The following IGFL4 variants were observed in gnomAD, a reference collection of about 807,000 sequenced individuals.
IGFL4 encodes the protein IGF like family member 4, also known as insulin growth factor-like family member 4.
IGFL4 carries 12 observed loss-of-function variants against 15.4 expected under a neutral mutation model. That is an observed-to-expected ratio of 0.78 (90% CI 0.50 to 1.26). The LOEUF (loss-of-function observed/expected upper bound fraction) is 1.26. Ranked by LOEUF, IGFL4 falls within the 50% of genes most tolerant of loss-of-function variation. The probability of loss-of-function intolerance (pLI) is 0.00; values close to 1 mark genes in which losing one functional copy is unlikely to be tolerated. For missense variants in IGFL4, 126 were observed against 147.8 expected (o/e 0.85, Z 0.76); for synonymous variants, 54 against 55.9 (o/e 0.97, Z 0.16).
chr19:46,044,518 G>T (rs1042533214), upstream of IGFL4, among the ~76,000 whole-genome samples: 1 of 152,038 alleles, frequency 6.6e-6, no homozygotes, highest in African/African-American at 2.4e-5. Flanking sequence ...GGGGTGTCGT[G>T]GGGGCAGTCA....
intron 1 of IGFL4, among the ~76,000 whole-genome samples, chr19:46,071,572 G>A (rs1969546179): frequency 6.6e-6 from 1 of 152,238 alleles, no homozygotes; most frequent in Admixed American, 6.5e-5. Context: ...TTAGACAGGA[G>A]GTAGTGTGAA....
upstream of IGFL4, among the ~76,000 whole-genome samples, chr19:46,042,538 A>G (rs565902171): frequency 2.0e-5 from 3 of 152,364 alleles, no homozygotes; most frequent in Non-Finnish European, 2.9e-5. Context: ...TAATTGAACT[A>G]TCTATGTAGA....
chr19:46,040,617 G>A lies in IGFL4; in HGVS notation c.20-49C>T. 6.3e-7 allele frequency: 1 copy of A among 1,590,360 alleles called. No individual in the cohort carries two copies. Among genetic ancestry groups the A allele is most frequent in the East Asian group, 2.2e-5 (1 of 44,752 alleles). ...AATGATTCTGAGGTCACTAGGTCTT[G>A]ACCACGGGGCACAGGATGATGTCTC... On this transcript the variant is annotated intron_variant, in intron 1 of 3. Coordinates refer to ENST00000377697, the MANE Select transcript of IGFL4 (RefSeq NM_001002923.3). This position sits in a 1 kb window ranked among gnomAD's most constrained non-coding sequence, Gnocchi z 4.1.
rs56734695 is a variant in IGFL4, at chr19:46,040,990, G to A, written c.-28C>T. 13,456 of 1,569,960 alleles carry A rather than the reference G, an allele frequency of 8.6e-3. 971 individuals are homozygous for A. The African/African-American group carries it at 0.16, about 19-fold the overall frequency. The stretch of plus-strand genomic sequence containing the variant: ...GTTAGGCTTCAGAGCAGCGGACGAG[G>A]GAGCAGCAGTGGAAATGGGTCAGTG... On this transcript the variant is annotated 5_prime_UTR_variant, in exon 1 of 4. Coordinates refer to ENST00000377697, the MANE Select transcript of IGFL4 (RefSeq NM_001002923.3). This position sits in a 1 kb window ranked among gnomAD's most constrained non-coding sequence, Gnocchi z 4.1.
chr19:46,061,587 A>G (rs1422997432), intron 1 of IGFL4, among the ~76,000 whole-genome samples: 1 of 152,216 alleles, frequency 6.6e-6, no homozygotes, highest in African/African-American at 2.4e-5. Flanking sequence ...CTGGAAGGCA[A>G]AAACAGATCC....
intron 1 of IGFL4, chr19:46,062,735 G>A (rs1344343111): frequency 6.6e-6 from 1 of 152,256 alleles, no homozygotes; most frequent in Non-Finnish European, 1.5e-5. Context: ...AACTCAGGGA[G>A]GCCAGAGAAA....
Position 46,077,073 on chromosome 19 carries a change from A to T in IGFL4, c.-485T>A, listed in dbSNP as rs1969609117. On this transcript the variant is annotated 5_prime_UTR_variant, in exon 1 of 6. Transcript: ENST00000601672. The surrounding 1 kb of genome is among the most constrained non-coding windows in gnomAD (Gnocchi z 5.4). Reference sequence around the variant, plus strand: ...GTCTTGATTTCATCTGGGTAGTTACAGGCATCATCCACCACGAAGTTTCCA... The same window carrying T: ...GTCTTGATTTCATCTGGGTAGTTACTGGCATCATCCACCACGAAGTTTCCA... The T allele has an allele frequency of 6.6e-6, 1 of 152,220 alleles. No individual in the cohort carries two copies. Among genetic ancestry groups the T allele is most frequent in the Non-Finnish European group, 1.5e-5 (1 of 68,044 alleles). The allele number at this position is 152,220 out of a possible 1,614,324, so 9.4% of individuals were successfully genotyped here.
intron 2 of IGFL4, chr19:46,059,526 A>G (rs1180413673): frequency 6.6e-6 from 1 of 152,158 alleles, no homozygotes; most frequent in Non-Finnish European, 1.5e-5. Flanking sequence ...GCAACCAGAG[A>G]TCACTGGTTG....
chr19:46,040,571 G>C lies in IGFL4; in HGVS notation c.20-3C>G. 6.2e-7 allele frequency: 1 copy of C among 1,613,986 alleles called. No homozygotes were observed. Among genetic ancestry groups the C allele is most frequent in the East Asian group, 2.2e-5 (1 of 44,884 alleles). The stretch of plus-strand genomic sequence containing the variant: ...AAGTTCAAAAATGAAGATGGCAGCT[G>C]AGAAGCAGAAGGAGAGCGAGAATGA... On this transcript the variant is annotated splice_region_variant and splice_polypyrimidine_tract_variant and intron_variant, in intron 1 of 3. Transcript: ENST00000377697. This position sits in a 1 kb window ranked among gnomAD's most constrained non-coding sequence, Gnocchi z 4.1.
chr19:46,077,335 T>C (rs1338072200), upstream of IGFL4, among the ~76,000 whole-genome samples: 3 of 152,072 alleles, frequency 2.0e-5, no homozygotes, highest in African/African-American at 2.4e-5. This position sits in a 1 kb window ranked among gnomAD's most constrained non-coding sequence, Gnocchi z 5.4. Context: ...CCGTGGAAGA[T>C]GCACCTGTGA....
At chr19:46,045,938 A>T (rs1010509953), upstream of IGFL4, among the ~76,000 whole-genome samples, 6 of 152,200 alleles carry the variant, frequency 3.9e-5, no homozygotes, top group Non-Finnish European at 8.8e-5. Flanking sequence ...CTCCATAAGA[A>T]GATTTACCCC....
At chr19:46,048,118 G>A (rs571680011) in intron 2 of IGFL4, among the ~76,000 whole-genome samples, 72 of 152,216 alleles carry the variant, frequency 4.7e-4, no homozygotes, top group African/African-American at 1.6e-3. Context: ...TTCAACATAC[G>A]CAAAGCAACA....
chr19:46,059,353 C>G (rs1048458848), intron 2 of IGFL4: 1 of 152,184 alleles, frequency 6.6e-6, no homozygotes, highest in Non-Finnish European at 1.5e-5. Flanking sequence ...GATCCATATT[C>G]TGTAACTTCT....
chr19:46,065,023 G>A (rs992589872), intron 1 of IGFL4, among the ~76,000 whole-genome samples: 1 of 152,136 alleles, frequency 6.6e-6, no homozygotes, highest in Non-Finnish European at 1.5e-5. Flanking sequence ...GTTTTGATTA[G>A]CATTTCTCTG....
At chr19:46,072,066 A>G (rs1285071387) in intron 1 of IGFL4, among the ~76,000 whole-genome samples, 1 of 152,218 alleles carries the variant, frequency 6.6e-6, no homozygotes, top group African/African-American at 2.4e-5. Context: ...ACTTACAGCC[A>G]TTAAGGGCAG....
In IGFL4 at chr19:46,040,510, G is replaced by C. The variant is rs556362059; in HGVS notation, c.70+8C>G. ...TGTTCTCTCCTCCCTCACTGCATCT[G>C]TTCTCACCTGTGACTCCTTCTGAGT... On this transcript the variant is annotated splice_region_variant and intron_variant, in intron 2 of 3. Coordinates refer to ENST00000377697, the MANE Select transcript of IGFL4 (RefSeq NM_001002923.3). This position sits in a 1 kb window ranked among gnomAD's most constrained non-coding sequence, Gnocchi z 4.1. The C allele has an allele frequency of 1.2e-6, 2 of 1,614,144 alleles. No individual in the cohort carries two copies. The highest frequency in any genetic ancestry group is 2.7e-5 in the African/African-American group (2 of 75,064).
chr19:46,039,767 G>T lies in IGFL4; in HGVS notation c.*125C>A. 1 of 822,372 alleles carries T rather than the reference G, an allele frequency of 1.2e-6. No homozygotes were observed. The highest frequency in any genetic ancestry group is 2.1e-6 in the Non-Finnish European group (1 of 474,500). 50.9% of individuals were successfully genotyped at this position (822,372 alleles called of 1,614,324 possible). Reference sequence around the variant, plus strand: ...TGTATCCTGAGACTTTGCTGAAGTTGCTTATTTGCACTCCAGCCTGGGGGA... The same window carrying T: ...TGTATCCTGAGACTTTGCTGAAGTTTCTTATTTGCACTCCAGCCTGGGGGA... On this transcript the variant is annotated 3_prime_UTR_variant, in exon 4 of 4. Transcript: ENST00000377697.
intron 1 of IGFL4, among the ~76,000 whole-genome samples, chr19:46,073,176 C>G (rs1378349819): frequency 1.3e-5 from 2 of 152,060 alleles, no homozygotes; most frequent in African/African-American, 4.8e-5. Flanking sequence ...GGTGAAAGAT[C>G]AAAACTCTGT....
intron 1 of IGFL4, among the ~76,000 whole-genome samples, chr19:46,075,965 C>T (rs1969591539): frequency 6.6e-6 from 1 of 152,144 alleles, no homozygotes; most frequent in Non-Finnish European, 1.5e-5. Flanking sequence ...ATACCTTAGA[C>T]TGGGTAATTT....
Sources: gnomAD v4.1 joint callset for allele counts (sites outside exome capture counted in the v4.1 genomes callset) on GRCh38, gnomAD v4.1.1 for gene constraint, Gnocchi (gnomAD v3.1) non-coding constraint, MANE v1.5 for transcripts, NCBI Gene and HGNC (gene_info 2026-07-23, HGNC 2026-07-21) for gene names.